KCNIP4: variants seen among roughly 807,000 people sequenced by gnomAD.
KCNIP4 encodes the protein Kv channel-interacting protein 4.
A neutral mutation model predicts 34.0 loss-of-function variants in KCNIP4; 12 were observed. The ratio of observed to expected loss-of-function variants is 0.35; its 90% CI spans 0.23 to 0.57. KCNIP4 has a LOEUF of 0.57. Ranked by LOEUF, KCNIP4 falls within the 20% of genes least tolerant of loss-of-function variation. KCNIP4 has a pLI of 0.83. For synonymous variants in KCNIP4, 124 were observed against 102.2 expected (o/e 1.21, Z -1.29); for missense variants, 238 against 311.7 (o/e 0.76, Z 1.78).
chr4:21,488,803 A>C (rs968801685), intron 1 of KCNIP4, among the ~76,000 whole-genome samples: 8 of 152,106 alleles, frequency 5.3e-5, no homozygotes, highest in African/African-American at 1.9e-4. Flanking sequence ...GTCAGAGGCC[A>C]AGAGATCTAC....
At chr4:21,467,264 G>A (rs911552278) in intron 1 of KCNIP4, among the ~76,000 whole-genome samples, 1 of 152,106 alleles carries the variant, frequency 6.6e-6, no homozygotes, top group Admixed American at 6.6e-5. Flanking sequence ...ATTTTGGTTT[G>A]TTTGTATAAC....
rs150551484 is a variant in KCNIP4 at position 21,706,013 on chromosome 4, A to G, written c.61+242558T>C. Among the ~76,000 whole-genome samples the G allele has an allele frequency of 3.1e-3, 469 of 152,302 alleles. 5 individuals are homozygous for G. The highest frequency in any genetic ancestry group is 0.011 in the African/African-American group (444 of 41,584). On this transcript the variant is annotated intron_variant, in intron 1 of 8. Transcript: ENST00000382152. ...TTGTTGGGGAGTATGCAGGGAAAAT[A>G]AAGTTGTTTAATGCTATCCTTGGGA...
Position 20,877,970 on chromosome 4 carries a change from C to CTTTT in KCNIP4, c.163+4634_163+4637dup, listed in dbSNP as rs10713065. 1.8e-4 allele frequency among the ~76,000 whole-genome samples: 27 copies of CTTTT among 148,428 alleles called. No individual in the cohort carries two copies. The South Asian group carries it at 3.0e-3, about 16-fold the overall frequency. ...GCCAGAGCTAATGTTTTCTCTCTCT[C>CTTTT]TTTTTTTTTTTCCAATTTAAAGATT... On this transcript the variant is annotated intron_variant, in intron 2 of 8. Transcript: ENST00000382152.
chr4:21,116,591 A>C (rs1262220513), intron 1 of KCNIP4, among the ~76,000 whole-genome samples: 2 of 152,076 alleles, frequency 1.3e-5, no homozygotes, highest in African/African-American at 2.4e-5. Context: ...TGACCTGTGC[A>C]TTTTTGCTAC....
At chr4:21,519,726 G>A (rs560253014) in intron 1 of KCNIP4, among the ~76,000 whole-genome samples, 5 of 122,474 alleles carry the variant, frequency 4.1e-5, no homozygotes, top group African/African-American at 1.0e-4. Flanking sequence ...ATATACACAC[G>A]TGTGTATATG....
At chr4:21,196,552 C>G (rs539812864) in intron 1 of KCNIP4, among the ~76,000 whole-genome samples, 1 of 152,320 alleles carries the variant, frequency 6.6e-6, no homozygotes, top group East Asian at 1.9e-4. Flanking sequence ...GCAAGACTGG[C>G]TTCATGGGTG....
chr4:20,952,227 T>C (rs1016519394), intron 1 of KCNIP4, among the ~76,000 whole-genome samples: 1 of 151,826 alleles, frequency 6.6e-6, no homozygotes, highest in African/African-American at 2.4e-5. Context: ...TATATCAAGG[T>C]ATTTTTTTTT....
At chr4:21,077,713 T>C (rs887309255) in intron 1 of KCNIP4, among the ~76,000 whole-genome samples, 1 of 152,170 alleles carries the variant, frequency 6.6e-6, no homozygotes, top group Admixed American at 6.6e-5. Flanking sequence ...ATGTGCTTAT[T>C]ACTATTCAAA....
chr4:21,898,522 T>C (rs1271027912), intron 1 of KCNIP4, among the ~76,000 whole-genome samples: 3 of 152,094 alleles, frequency 2.0e-5, no homozygotes, highest in Non-Finnish European at 4.4e-5. Flanking sequence ...ATAACATTTC[T>C]AGACACAGCC....
At chr4:21,467,311 A>G (rs979641669) in intron 1 of KCNIP4, among the ~76,000 whole-genome samples, 2 of 152,156 alleles carry the variant, frequency 1.3e-5, no homozygotes, top group Admixed American at 1.3e-4. Context: ...CCTGCAGCCA[A>G]CTTCCAAAAA....
intron 1 of KCNIP4, among the ~76,000 whole-genome samples, chr4:21,728,512 G>A (rs950419212): frequency 6.6e-6 from 1 of 152,098 alleles, no homozygotes; most frequent in Non-Finnish European, 1.5e-5. Flanking sequence ...TTACAGTCTA[G>A]TCTTAATGCA....
chr4:20,871,770 C>T (rs1002054487), intron 2 of KCNIP4, among the ~76,000 whole-genome samples: 5 of 152,040 alleles, frequency 3.3e-5, no homozygotes, highest in African/African-American at 9.7e-5. Context: ...CTTTTTTCCT[C>T]TTAGTCCAGG....
In KCNIP4 at chr4:21,704,346, G is replaced by A. The variant is rs1156420480; in HGVS notation, c.61+244225C>T. ...ATTCCAAAAACATGAGCCATAAAAG[G>A]AAAAATTAATAAATTAGATGGCATC... On this transcript the variant is annotated intron_variant, in intron 1 of 8. Transcript: ENST00000382152. Among the ~76,000 whole-genome samples the A allele has an allele frequency of 2.0e-5, 3 of 152,020 alleles. No individual in the cohort carries two copies. The East Asian group carries it at 5.8e-4, about 29-fold the overall frequency.
chr4:21,226,000 A>C (rs906430763), intron 1 of KCNIP4, among the ~76,000 whole-genome samples: 1 of 151,966 alleles, frequency 6.6e-6, no homozygotes, highest in African/African-American at 2.4e-5. Flanking sequence ...TTAATGGCTA[A>C]CATTTATAGG....
At chr4:21,530,264 T>C (rs1306909834) in intron 1 of KCNIP4, among the ~76,000 whole-genome samples, 1 of 152,192 alleles carries the variant, frequency 6.6e-6, no homozygotes, top group Admixed American at 6.5e-5. Flanking sequence ...TAATGTACTT[T>C]TGTTTCCTAG....
chr4:21,029,147 C>T (rs1159803614), intron 1 of KCNIP4, among the ~76,000 whole-genome samples: 1 of 152,076 alleles, frequency 6.6e-6, no homozygotes, highest in South Asian at 2.1e-4. Context: ...TAAGAGAAGC[C>T]TACATTTGTT....
At chr4:21,011,647 T>C (rs531668420) in intron 1 of KCNIP4, among the ~76,000 whole-genome samples, 15 of 152,346 alleles carry the variant, frequency 9.8e-5, no homozygotes, top group African/African-American at 2.6e-4. Context: ...AAAACATATT[T>C]ATAATGAAAA....
chr4:21,579,233 A>G (rs1434743809), intron 1 of KCNIP4, among the ~76,000 whole-genome samples: 4 of 152,174 alleles, frequency 2.6e-5, no homozygotes, highest in African/African-American at 7.2e-5. Context: ...GCATTTTCTG[A>G]TAATGCAGAA....
chr4:21,834,433 C>A (rs1480209589), intron 1 of KCNIP4, among the ~76,000 whole-genome samples: 2 of 152,164 alleles, frequency 1.3e-5, no homozygotes, highest in South Asian at 2.1e-4. Context: ...GATTTTTGTA[C>A]ACTGATTTTG....
Sources: gnomAD v4.1 joint callset for allele counts (sites outside exome capture counted in the v4.1 genomes callset) on GRCh38, gnomAD v4.1.1 for gene constraint, MANE v1.5 for transcripts, NCBI Gene and HGNC (gene_info 2026-07-23, HGNC 2026-07-21) for gene names.